The following PDE1A variants were observed in gnomAD, a reference collection of about 807,000 sequenced individuals.
PDE1A encodes dual specificity calcium/calmodulin-dependent 3',5'-cyclic nucleotide phosphodiesterase 1A.
In PDE1A, 35 loss-of-function variants were observed where a neutral mutation model predicts 61.7. The ratio of observed to expected loss-of-function variants is 0.57; its 90% confidence interval spans 0.43 to 0.75. The LOEUF (loss-of-function observed/expected upper bound fraction) is 0.75, where lower values mean the gene tolerates loss of function less well. Among genes scored for constraint, PDE1A ranks in the 30% least tolerant of loss-of-function variants. The probability of loss-of-function intolerance (pLI) is 0.00; values close to 1 mark genes in which losing one functional copy is unlikely to be tolerated. For synonymous variants in PDE1A, 232 were observed against 213.2 expected (o/e 1.09, Z -0.77); for missense variants, 597 against 630.6 (o/e 0.95, Z 0.57).
intron 2 of PDE1A, among the ~76,000 whole-genome samples, chr2:182,453,948 TATTCAATTAGGA>T (rs1223554185): frequency 2.0e-5 from 3 of 151,428 alleles, no homozygotes; most frequent in Middle Eastern, 3.4e-3. Flanking sequence ...AAATAAAGGG[TATTCAATTAGGA>T]AAAGAGGAAG....
chr2:182,279,985 T>C (rs1250807567), intron 1 of PDE1A, among the ~76,000 whole-genome samples: 3 of 151,956 alleles, frequency 2.0e-5, no homozygotes, highest in Admixed American at 2.0e-4. Context: ...GTTTTTTATA[T>C]ATCTGCTCCA....
upstream of PDE1A, among the ~76,000 whole-genome samples, chr2:182,430,182 G>A (rs1574639651): frequency 6.7e-6 from 1 of 150,346 alleles, no homozygotes; most frequent in African/African-American, 2.5e-5. Flanking sequence ...CTACAACATG[G>A]GAGAAAATTT....
chr2:182,261,908 TAGAAA>T (rs1692243512), intron 2 of PDE1A, among the ~76,000 whole-genome samples: 3 of 152,154 alleles, frequency 2.0e-5, no homozygotes, highest in African/African-American at 7.2e-5. Context: ...TATAGATAAA[TAGAAA>T]AGAAAATATC....
At chr2:182,701,390 T>G in the PDE1A span, among the ~76,000 whole-genome samples, 1 of 16,942 alleles carries the variant, frequency 5.9e-5, no homozygotes, top group Non-Finnish European at 1.2e-4. Flanking sequence ...TTTGCTTAAC[T>G]TTTTTTTTTT....
chr2:182,516,254 T>G, intron 2 of PDE1A, among the ~76,000 whole-genome samples: 1 of 152,168 alleles, frequency 6.6e-6, no homozygotes, highest in East Asian at 1.9e-4. Context: ...AGGTTGCCCT[T>G]GGCTCGTGGC....
chr2:182,273,920 T>C (rs1324257120), intron 1 of PDE1A, among the ~76,000 whole-genome samples: 3 of 152,104 alleles, frequency 2.0e-5, no homozygotes, highest in African/African-American at 7.2e-5. Context: ...AAATACCATG[T>C]ACTGGGTGGC....
chr2:182,456,915 A>C (rs1461627887), intron 2 of PDE1A, among the ~76,000 whole-genome samples: 2 of 152,100 alleles, frequency 1.3e-5, no homozygotes, highest in African/African-American at 2.4e-5. Context: ...GGAAAAATAC[A>C]ATCTTTTATA....
At chr2:182,323,619 G>A (rs750322190) in intron 1 of PDE1A, among the ~76,000 whole-genome samples, 4 of 152,162 alleles carry the variant, frequency 2.6e-5, no homozygotes, top group Non-Finnish European at 2.9e-5. Flanking sequence ...AGTGCCTGTC[G>A]GAGGAGCGCT....
At chr2:182,160,597 G>A (rs540465209) in intron 13 of PDE1A, among the ~76,000 whole-genome samples, 25 of 152,190 alleles carry the variant, frequency 1.6e-4, no homozygotes, top group African/African-American at 3.6e-4. Flanking sequence ...CTCTAAGGCC[G>A]TTAGCCTCAG....
chr2:182,200,081 T>C lies in PDE1A; in HGVS notation c.1125+1358A>G, dbSNP rs572295047. 9.2e-5 allele frequency among the ~76,000 whole-genome samples: 14 copies of C among 152,218 alleles called. No homozygotes were observed. In the East Asian group the frequency reaches 2.7e-3, roughly 29 times the overall value. ...AAAATTAATGAACAAACTTTCAAAA[T>C]AAAGAACAATACTGAGAAATGAAAT... On this transcript the variant is annotated intron_variant, in intron 10 of 13. Transcript: ENST00000351439.
At chr2:182,271,845 G>A (rs1693048956) in intron 1 of PDE1A, among the ~76,000 whole-genome samples, 1 of 151,934 alleles carries the variant, frequency 6.6e-6, no homozygotes, top group South Asian at 2.1e-4. Context: ...ACATTAATAT[G>A]ACTTAATAAA....
intron 2 of PDE1A, among the ~76,000 whole-genome samples, chr2:182,250,342 A>C (rs1478265869): frequency 4.6e-5 from 7 of 152,200 alleles, no homozygotes; most frequent in Non-Finnish European, 1.0e-4. Flanking sequence ...TGGATGACAA[A>C]ATTTCAGGAC....
the PDE1A span, among the ~76,000 whole-genome samples, chr2:182,572,208 G>A: frequency 6.6e-5 from 10 of 152,120 alleles, no homozygotes; most frequent in Non-Finnish European, 1.5e-4. Context: ...GTGCTTATAC[G>A]AAGCCCATTT....
chr2:182,620,752 A>T, the PDE1A span, among the ~76,000 whole-genome samples: 1 of 152,144 alleles, frequency 6.6e-6, no homozygotes, highest in African/African-American at 2.4e-5. Context: ...CCTCAAATTC[A>T]GTTTCTATTT....
At chr2:182,692,368 A>G in the PDE1A span, among the ~76,000 whole-genome samples, 1 of 152,154 alleles carries the variant, frequency 6.6e-6, no homozygotes, top group Non-Finnish European at 1.5e-5. Context: ...TGTCCTTTGT[A>G]GGGACATGGA....
At chr2:182,505,202 T>C in intron 2 of PDE1A, among the ~76,000 whole-genome samples, 1 of 152,248 alleles carries the variant, frequency 6.6e-6, no homozygotes, top group Non-Finnish European at 1.5e-5. Context: ...TAATCCTAAT[T>C]ATTCAGCTAC....
At chr2:182,649,309 A>G in the PDE1A span, among the ~76,000 whole-genome samples, 261 of 152,294 alleles carry the variant, frequency 1.7e-3, no homozygotes, top group African/African-American at 6.2e-3. Flanking sequence ...AGGAAAAGCA[A>G]CATGAGCTAT....
At chr2:182,571,296 G>C in the PDE1A span, among the ~76,000 whole-genome samples, 1 of 152,026 alleles carries the variant, frequency 6.6e-6, no homozygotes, top group Non-Finnish European at 1.5e-5. Context: ...AAGAGGAAGA[G>C]AATGAAAAAA....
chr2:182,569,753 A>T, the PDE1A span, among the ~76,000 whole-genome samples: 1 of 152,304 alleles, frequency 6.6e-6, no homozygotes, highest in Non-Finnish European at 1.5e-5. Context: ...TGGAGCTAAC[A>T]ATTAACAATC....
Sources: allele counts gnomAD v4.1 joint callset (sites outside exome capture counted in the v4.1 genomes callset), GRCh38; gene constraint gnomAD v4.1.1; transcripts MANE v1.5; gene names NCBI Gene and HGNC (gene_info 2026-07-23, HGNC 2026-07-21).